The following SEC24A variants were observed in gnomAD, a reference collection of about 807,000 sequenced individuals.
The protein encoded by SEC24A is SEC24 homolog A, COPII component.
SEC24A carries 93 observed loss-of-function variants against 129.4 expected under a neutral mutation model. The ratio of observed to expected loss-of-function variants is 0.72; its 90% confidence interval spans 0.61 to 0.85. SEC24A has a LOEUF of 0.85. Ranked by LOEUF, SEC24A falls within the 40% of genes least tolerant of loss-of-function variation. SEC24A has a pLI of 0.00. For missense variants in SEC24A, 1,264 were observed against 1,307.4 expected, an observed-to-expected ratio of 0.97 and a Z score of 0.51; for synonymous variants, 460 against 467.3, an observed-to-expected ratio of 0.98 and a Z score of 0.20.
intron 2 of SEC24A, among the ~76,000 whole-genome samples, chr5:134,662,974 G>A (rs1750525315): frequency 6.6e-6 from 1 of 152,008 alleles, no homozygotes; most frequent in Non-Finnish European, 1.5e-5. Context: ...CTCCGGCCTA[G>A]GTGACAGAGT....
chr5:134,655,216 G>T (rs1750198456), intron 1 of SEC24A, among the ~76,000 whole-genome samples: 1 of 152,168 alleles, frequency 6.6e-6, no homozygotes, highest in Non-Finnish European at 1.5e-5. Context: ...TGGGACCTGG[G>T]ATCTCAATTT....
intron 11 of SEC24A, among the ~76,000 whole-genome samples, chr5:134,689,372 CATT>C (rs1384742326): frequency 6.6e-6 from 1 of 152,206 alleles, no homozygotes; most frequent in Non-Finnish European, 1.5e-5. Flanking sequence ...GCTTGTACAT[CATT>C]GTTTATAGCA....
chr5:134,694,263 C>T (rs1335920769), intron 13 of SEC24A, among the ~76,000 whole-genome samples: 1 of 152,108 alleles, frequency 6.6e-6, no homozygotes, highest in Non-Finnish European at 1.5e-5. Flanking sequence ...TGGTAGCTCA[C>T]ACCTGTAATC....
chr5:134,703,884 A>G lies in SEC24A; in HGVS notation c.2392A>G (p.Thr798Ala), dbSNP rs1320506664. The G allele has an allele frequency of 6.2e-7, 1 of 1,609,832 alleles. No individual in the cohort carries two copies. The highest frequency in any genetic ancestry group is 2.2e-5 in the East Asian group (1 of 44,786). The change falls in exon 16 of 23, where the codon ACT (threonine) becomes GCT (alanine). Residue 798 changes from threonine (T) to alanine (A), a missense_variant. Physicochemically the swap from Thr to Ala is moderately conservative, Grantham distance 58 (BLOSUM62 0). Coordinates refer to ENST00000398844, the MANE Select transcript of SEC24A (RefSeq NM_021982.3). ...QMSVEESLTD[T>A]QLVSFQSALL... ...GTCAGTGGAAGAGAGTCTTACTGAC[A>G]CTCAGTTGGTTTCTTTTCAGTCAGC...
chr5:134,651,749 C>T (rs1190167373), intron 1 of SEC24A, among the ~76,000 whole-genome samples: 1 of 151,992 alleles, frequency 6.6e-6, no homozygotes, highest in Non-Finnish European at 1.5e-5. Flanking sequence ...GAGGCATGAG[C>T]TACCAAGCCT....
intron 1 of SEC24A, among the ~76,000 whole-genome samples, chr5:134,652,424 T>C (rs1750088191): frequency 6.6e-6 from 1 of 151,328 alleles, no homozygotes; most frequent in African/African-American, 2.4e-5. Context: ...CAACTGGGAC[T>C]ACAGGCATGC....
rs113526176 is a variant in SEC24A, at chr5:134,655,033, C to T, written c.97+5860C>T. ...CCTGGCCCAGGCTTTCCTAAAGAAA[C>T]GTACAGCTTTTTGGCCAGGCTGGTC... On this transcript the variant is annotated intron_variant, in intron 1 of 22. Coordinates refer to ENST00000398844, the MANE Select transcript of SEC24A (RefSeq NM_021982.3). Among the ~76,000 whole-genome samples, 723 of 152,010 alleles carry T rather than the reference C, an allele frequency of 4.8e-3. 5 individuals are homozygous for T. Among genetic ancestry groups the T allele is most frequent in the African/African-American group, 0.017 (691 of 41,474 alleles).
Position 134,686,915 on chromosome 5 carries a change from A to G in SEC24A, c.1604+13A>G, listed in dbSNP as rs758063883. 3 of 1,403,372 alleles carry G rather than the reference A, an allele frequency of 2.1e-6. No individual in the cohort carries two copies. Among genetic ancestry groups the G allele is most frequent in the Non-Finnish European group, 2.0e-6 (2 of 1,003,400 alleles). The allele number at this position is 1,403,372 out of a possible 1,614,324, so 86.9% of individuals were successfully genotyped here. On this transcript the variant is annotated intron_variant, in intron 10 of 22. Transcript: ENST00000398844. ...ACAATCTGGATTTGTAAGTTTCTCA[A>G]TTCAGCTTAAATATGAAACTAATAA...
intron 18 of SEC24A, among the ~76,000 whole-genome samples, chr5:134,710,898 G>C (rs10071715): frequency 0.013 from 1,927 of 152,336 alleles, 48 homozygotes; most frequent in African/African-American, 0.044. Context: ...CACTTTGGGA[G>C]GCCAAGGCGG....
chr5:134,692,057 C>CTTTTT (rs61531967), intron 11 of SEC24A, among the ~76,000 whole-genome samples: 1 of 127,942 alleles, frequency 7.8e-6, no homozygotes, highest in African/African-American at 2.9e-5. Context: ...TTTTTCTTTC[C>CTTTTT]TTTTTTTTTT....
In SEC24A at chr5:134,705,395, G is replaced by A. The variant is rs748062910; in HGVS notation, c.2509G>A (p.Gly837Arg). ...TTCGACTCTGAATGATGTCTTTCTT[G>A]GAGCTGATGTTCAAGCAATTTCAGG... ...VVSTLNDVFL[G>R]ADVQAISGLL... is the part of the protein sequence containing the mutation. The change falls in exon 17 of 23, where the codon GGA becomes AGA. Residue 837 changes from glycine to arginine, a missense_variant. Transcript: ENST00000398844. 1 of 1,613,168 alleles carries A rather than the reference G, an allele frequency of 6.2e-7. No individual in the cohort carries two copies. The highest frequency in any genetic ancestry group is 8.5e-7 in the Non-Finnish European group (1 of 1,179,536).
chr5:134,667,672 A>AC (rs1210235996), intron 3 of SEC24A, among the ~76,000 whole-genome samples: 28 of 151,434 alleles, frequency 1.8e-4, no homozygotes, highest in African/African-American at 6.5e-4. Context: ...AAAAAAACAA[A>AC]AAAAAAAAAA....
intron 19 of SEC24A, among the ~76,000 whole-genome samples, chr5:134,715,930 A>G (rs940733620): frequency 6.6e-6 from 1 of 152,022 alleles, no homozygotes; most frequent in Non-Finnish European, 1.5e-5. Flanking sequence ...TGTTACAGAA[A>G]TCATTCCAGA....
At position 134,725,037 on chromosome 5, in the gene SEC24A, A is replaced by G. The variant is rs200181861; in HGVS notation, c.3225A>G (p.Glu1075=). The G allele has an allele frequency of 5.7e-5, 92 of 1,606,804 alleles. No homozygotes were observed. The highest frequency in any genetic ancestry group is 7.4e-5 in the Non-Finnish European group (87 of 1,174,326). Residue 1075 remains glutamate (E), a synonymous_variant, in exon 23 of 23, where the codon GAA becomes GAG. Coordinates refer to ENST00000398844, the MANE Select transcript of SEC24A (RefSeq NM_021982.3). ...AAAACATGATAGAAGACAGAACAGA[A>G]TCTGCATTATCATATTATGAATTCC... is the stretch of plus-strand genomic sequence containing the variant. ...FLQNMIEDRT[E]SALSYYEFLL...
rs764950043 is a variant in SEC24A at position 134,679,627 on chromosome 5, C to T, written c.1280C>T (p.Thr427Ile). ...CAATTGCCTGTGGTTACCTCCAGTACAATTGTGAGATGCCGTTCATGCAGG... is the reference window on the plus strand; with the variant it reads ...CAATTGCCTGTGGTTACCTCCAGTATAATTGTGAGATGCCGTTCATGCAGG... ...LVQLPVVTSS[T>I]IVRCRSCRTY... is the part of the protein sequence containing the mutation. The change falls in exon 8 of 23, where the codon ACA (threonine) becomes ATA (isoleucine). Residue 427 changes from threonine to isoleucine, a missense_variant. Coordinates refer to ENST00000398844, the MANE Select transcript of SEC24A (RefSeq NM_021982.3). 2 of 1,587,246 alleles carry T rather than the reference C, an allele frequency of 1.3e-6. No homozygotes were observed. Among genetic ancestry groups the T allele is most frequent in the East Asian group, 2.3e-5 (1 of 44,404 alleles).
chr5:134,716,881 CTTT>C (rs766433633), intron 19 of SEC24A, among the ~76,000 whole-genome samples: 5 of 131,808 alleles, frequency 3.8e-5, no homozygotes, highest in Admixed American at 1.5e-4. Context: ...AACTTTTTTA[CTTT>C]TTTTTTTTTT....
intron 1 of SEC24A, among the ~76,000 whole-genome samples, chr5:134,657,391 C>T (rs559027513): frequency 4.0e-5 from 6 of 151,898 alleles, no homozygotes; most frequent in African/African-American, 1.2e-4. Flanking sequence ...TGAATAAACA[C>T]GGCCATCCAC....
rs888820153 is a variant in SEC24A, at chr5:134,688,276, T to G, written c.1700T>G (p.Met567Arg). 109 of 1,586,438 alleles carry G rather than the reference T, an allele frequency of 6.9e-5. No homozygotes were observed. The highest frequency in any genetic ancestry group is 9.4e-5 in the Non-Finnish European group (109 of 1,155,112). ...CAGGAAAGTCTCTCTCAACCTCAGA[T>G]GCTAATAGTTTCAGATATTGAAGGT... is the stretch of plus-strand genomic sequence containing the variant. ...GLQESLSQPQ[M>R]LIVSDIEDVF... The change falls in exon 11 of 23, where the codon ATG (methionine) becomes AGG (arginine). Residue 567 changes from methionine to arginine, a missense_variant. Coordinates refer to ENST00000398844, the MANE Select transcript of SEC24A (RefSeq NM_021982.3).
chr5:134,698,202 T>C (rs1751887826), intron 15 of SEC24A, 145 bp downstream of exon 15: 1 of 650,210 alleles, frequency 1.5e-6, no homozygotes, highest in Middle Eastern at 4.2e-4. Context: ...GAAGAAACAC[T>C]GTAACCAAAA....
Sources: allele counts gnomAD v4.1 joint callset (sites outside exome capture counted in the v4.1 genomes callset), GRCh38; gene constraint gnomAD v4.1.1; transcripts MANE v1.5; gene names NCBI Gene and HGNC (gene_info 2026-07-23, HGNC 2026-07-21).